The following UNC5D variants were observed in gnomAD, a reference collection of about 807,000 sequenced individuals.
The protein encoded by UNC5D is unc-5 netrin receptor D.
A neutral mutation model predicts 105.4 loss-of-function variants in UNC5D; 39 were observed. That is an observed-to-expected ratio of 0.37 (90% CI 0.29 to 0.48). The LOEUF is 0.48. Ranked by LOEUF, UNC5D falls within the 20% of genes least tolerant of loss-of-function variation. The pLI is 0.98. For synonymous variants in UNC5D, 452 were observed against 450.4 expected (o/e 1.00, Z -0.04); for missense variants, 991 against 1,202.4 (o/e 0.82, Z 2.60).
At chr8:35,643,465 T>A (rs2131143478) in intron 4 of UNC5D, among the ~76,000 whole-genome samples, 1 of 152,216 alleles carries the variant, frequency 6.6e-6, no homozygotes, top group East Asian at 1.9e-4. Context: ...TACAGGCACA[T>A]GCCACCACCC....
chr8:35,268,287 C>CAA (rs36118994), intron 1 of UNC5D, among the ~76,000 whole-genome samples: 5 of 151,866 alleles, frequency 3.3e-5, no homozygotes, highest in South Asian at 2.1e-4. Flanking sequence ...ATGAAACTAA[C>CAA]AAAAAAACCT....
intron 7 of UNC5D, among the ~76,000 whole-genome samples, chr8:35,698,182 G>A (rs1826923431): frequency 6.6e-6 from 1 of 150,976 alleles, no homozygotes; most frequent in Non-Finnish European, 1.5e-5. Context: ...ATGTGTGCTT[G>A]TGCAATAGTT....
At chr8:35,543,271 A>G (rs1224570603) in intron 1 of UNC5D, among the ~76,000 whole-genome samples, 1 of 152,036 alleles carries the variant, frequency 6.6e-6, no homozygotes, top group Non-Finnish European at 1.5e-5. Flanking sequence ...AAAAAGTGAT[A>G]TGTATTTCAA....
At chr8:35,297,410 C>T (rs981855425) in intron 1 of UNC5D, among the ~76,000 whole-genome samples, 3 of 152,062 alleles carry the variant, frequency 2.0e-5, no homozygotes, top group Non-Finnish European at 4.4e-5. Context: ...GAAATGATGT[C>T]GTGACCAACT....
At chr8:35,773,146 G>T (rs957120771) in intron 15 of UNC5D, among the ~76,000 whole-genome samples, 3 of 152,128 alleles carry the variant, frequency 2.0e-5, no homozygotes, top group African/African-American at 7.2e-5. Context: ...AATCATGGAA[G>T]TGATTCAATT....
chr8:35,486,046 G>A (rs1172163170), intron 1 of UNC5D, among the ~76,000 whole-genome samples: 1 of 151,884 alleles, frequency 6.6e-6, no homozygotes, highest in Non-Finnish European at 1.5e-5. Flanking sequence ...TTTTTTCTAG[G>A]CAGTAATTTA....
intron 1 of UNC5D, among the ~76,000 whole-genome samples, chr8:35,342,663 A>T (rs1414953594): frequency 6.6e-6 from 1 of 152,070 alleles, no homozygotes; most frequent in Non-Finnish European, 1.5e-5. Context: ...GAAACGTGGG[A>T]TACTTGATAA....
intron 1 of UNC5D, among the ~76,000 whole-genome samples, chr8:35,452,780 C>G (rs951250305): frequency 1.3e-5 from 2 of 152,126 alleles, no homozygotes; most frequent in African/African-American, 4.8e-5. Context: ...TACTACTGTT[C>G]TGTGAGCCAC....
chr8:35,235,734 C>T lies in UNC5D; in HGVS notation c.-51C>T, dbSNP rs1377043058. 8.2e-7 allele frequency: 1 copy of T among 1,216,728 alleles called. No homozygotes were observed. The highest frequency in any genetic ancestry group is 1.0e-6 in the Non-Finnish European group (1 of 974,292). 75.4% of individuals were successfully genotyped at this position (1,216,728 alleles called of 1,614,324 possible). On this transcript the variant is annotated 5_prime_UTR_variant, in exon 1 of 17. Coordinates refer to ENST00000404895, the MANE Select transcript of UNC5D (RefSeq NM_080872.4). ...GGGACCCTCATCGCCGACCCTTTCC[C>T]GGGCTCCCGGAGCGTGAAGAAGAGC...
At position 35,513,312 on chromosome 8, in the gene UNC5D, T is replaced by C. The variant is rs1426899079; in HGVS notation, c.104-35980T>C. Among the ~76,000 whole-genome samples the C allele has an allele frequency of 1.4e-5, 2 of 143,018 alleles. 1 individual carries two copies. The highest frequency in any genetic ancestry group is 4.3e-4 in the East Asian group (2 of 4,604). 93.8% of individuals were successfully genotyped at this position (143,018 alleles called of 152,430 possible). A position where few individuals can be genotyped will look rare whatever the true frequency, so the allele number is the denominator to read the frequency against. On this transcript the variant is annotated intron_variant, in intron 1 of 16. Coordinates refer to ENST00000404895, the MANE Select transcript of UNC5D (RefSeq NM_080872.4). The stretch of plus-strand genomic sequence containing the variant: ...GGTGCAGTCTCGGCTCACTGCAACC[T>C]CCACCTCCCAGGTTCAAGTGATTCT...
Position 35,649,485 on chromosome 8 carries a change from A to C in UNC5D, c.571-34062A>C, listed in dbSNP as rs564329649. On this transcript the variant is annotated intron_variant, in intron 4 of 16. Transcript: ENST00000404895. ...CCAATGAGAATTTTACTTGACCTTC[A>C]TGTAGAAGTCTGGACTCTAACGATT... 7.2e-5 allele frequency among the ~76,000 whole-genome samples: 11 copies of C among 152,340 alleles called. No homozygotes were observed. In the South Asian group the frequency reaches 1.9e-3, roughly 26 times the overall value.
At chr8:35,366,943 C>T (rs931845931) in intron 1 of UNC5D, among the ~76,000 whole-genome samples, 3 of 152,152 alleles carry the variant, frequency 2.0e-5, no homozygotes, top group African/African-American at 7.2e-5. Context: ...ATCTTTTCTA[C>T]AACTCCAAGT....
intron 1 of UNC5D, among the ~76,000 whole-genome samples, chr8:35,414,837 A>G (rs1805427750): frequency 6.6e-6 from 1 of 152,094 alleles, no homozygotes; most frequent in African/African-American, 2.4e-5. Flanking sequence ...AATAAACTTA[A>G]TTTCTTTTTC....
At chr8:35,564,536 T>C (rs979377235) in intron 2 of UNC5D, among the ~76,000 whole-genome samples, 4 of 152,164 alleles carry the variant, frequency 2.6e-5, no homozygotes, top group Non-Finnish European at 4.4e-5. Flanking sequence ...TGCCTCCATT[T>C]TACCTGCTCC....
intron 1 of UNC5D, among the ~76,000 whole-genome samples, chr8:35,512,535 GTATGTATATATATATATA>G (rs1377949788): frequency 9.0e-5 from 3 of 33,448 alleles, no homozygotes; most frequent in Non-Finnish European, 1.4e-4. Flanking sequence ...ATTCAGATAT[GTATGTATATATATATATA>G]TATATATATA....
chr8:35,629,923 G>C (rs1046866022), intron 4 of UNC5D, among the ~76,000 whole-genome samples: 15 of 152,216 alleles, frequency 9.9e-5, no homozygotes, highest in African/African-American at 3.4e-4. Flanking sequence ...TGTAACTTAC[G>C]GGTAACCCTA....
intron 7 of UNC5D, among the ~76,000 whole-genome samples, chr8:35,692,278 C>T (rs576362139): frequency 6.6e-6 from 1 of 152,188 alleles, no homozygotes; most frequent in Non-Finnish European, 1.5e-5. Context: ...CAATGATCTA[C>T]TTAAATGACC....
chr8:35,650,906 A>G (rs1394765488), intron 4 of UNC5D, among the ~76,000 whole-genome samples: 1 of 152,206 alleles, frequency 6.6e-6, no homozygotes, highest in Non-Finnish European at 1.5e-5. Flanking sequence ...CCTTGTTAAG[A>G]AATAGGCATG....
chr8:35,641,283 CA>C (rs1352609539), intron 4 of UNC5D, among the ~76,000 whole-genome samples: 4 of 140,816 alleles, frequency 2.8e-5, no homozygotes, highest in African/African-American at 1.0e-4. Flanking sequence ...AGCTTCTAAT[CA>C]TTCAATCTCG....
Sources: gnomAD v4.1 joint callset for allele counts (sites outside exome capture counted in the v4.1 genomes callset) on GRCh38, gnomAD v4.1.1 for gene constraint, MANE v1.5 for transcripts, NCBI Gene and HGNC (gene_info 2026-07-23, HGNC 2026-07-21) for gene names.